The following PIK3C2B variants were observed in gnomAD, a reference collection of about 807,000 sequenced individuals.
PIK3C2B encodes phosphatidylinositol 4-phosphate 3-kinase C2 domain-containing subunit beta.
PIK3C2B carries 83 observed loss-of-function variants against 184.3 expected under a neutral mutation model. The observed-to-expected ratio is 0.45, with a 90% confidence interval of 0.38 to 0.54. The LOEUF is 0.54. Ranked by LOEUF, PIK3C2B falls within the 20% of genes least tolerant of loss-of-function variation. The pLI is 0.00. For missense variants in PIK3C2B, 1,736 were observed against 2,113.5 expected, an observed-to-expected ratio of 0.82 and a Z score of 3.50; for synonymous variants, 779 against 837.6, an observed-to-expected ratio of 0.93 and a Z score of 1.21.
chr1:204,444,028 G>A (rs147859065), intron 18 of PIK3C2B, 40 bp downstream of exon 18: 1 of 1,346,800 alleles, frequency 7.4e-7, no homozygotes, highest in Non-Finnish European at 1.1e-6. Context: ...CTACGTGAAA[G>A]ACACGTGTCT....
At chr1:204,462,648 T>C (rs1412578458) in intron 5 of PIK3C2B, among the ~76,000 whole-genome samples, 2 of 152,200 alleles carry the variant, frequency 1.3e-5, no homozygotes, top group African/African-American at 4.8e-5. Flanking sequence ...GGGGCACATT[T>C]GAAGGGTACC....
At chr1:204,440,597 C>CTT (rs34256181) in intron 21 of PIK3C2B, among the ~76,000 whole-genome samples, 3,606 of 123,474 alleles carry the variant, frequency 0.029, 189 homozygotes, top group East Asian at 0.14. Context: ...ACCATCAGGC[C>CTT]TTTTTTTTTT....
At chr1:204,453,406 C>T (rs182849261) in intron 12 of PIK3C2B, among the ~76,000 whole-genome samples, 392 of 152,338 alleles carry the variant, frequency 2.6e-3, no homozygotes, top group Non-Finnish European at 4.7e-3. Context: ...ATTAATATTA[C>T]CTTGTGCTTT....
At chr1:204,474,260 G>A (rs1400260896) in intron 1 of PIK3C2B, among the ~76,000 whole-genome samples, 1 of 151,900 alleles carries the variant, frequency 6.6e-6, no homozygotes, top group Admixed American at 6.6e-5. Flanking sequence ...CAAAGTGCTG[G>A]GATTACAGGC....
At chr1:204,460,726 C>G (rs1655266844) in intron 5 of PIK3C2B, 65 bp from the exon 6 acceptor site, 2 of 994,888 alleles carry the variant, frequency 2.0e-6, no homozygotes, top group Non-Finnish European at 3.2e-6. Context: ...AGATACATAC[C>G]TTAGCCTTGG....
At chr1:204,451,323 G>A (rs1654337199) in intron 12 of PIK3C2B, among the ~76,000 whole-genome samples, 1 of 152,230 alleles carries the variant, frequency 6.6e-6, no homozygotes, top group Non-Finnish European at 1.5e-5. Flanking sequence ...CCAGCTTCGT[G>A]TCTTAAGGAA....
chr1:204,431,882 CTGAGGGGAGGGG>C, intron 27 of PIK3C2B, 89 bp from the exon 28 acceptor site: 2 of 1,458,906 alleles, frequency 1.4e-6, no homozygotes, highest in Non-Finnish European at 1.9e-6. Flanking sequence ...TATGTATGTG[CTGAGGGGAGGGG>C]CACATTCCAG....
chr1:204,448,602 C>T (rs1263228245), intron 14 of PIK3C2B, among the ~76,000 whole-genome samples: 1 of 142,226 alleles, frequency 7.0e-6, no homozygotes, highest in Non-Finnish European at 1.5e-5. Flanking sequence ...TGTGCCATTG[C>T]ATTCCAGCCT....
At position 204,468,858 on chromosome 1, in the gene PIK3C2B, G is replaced by C; in HGVS notation, c.933+12C>G. 6.4e-7 allele frequency: 1 copy of C among 1,560,192 alleles called. No homozygotes were observed. The highest frequency in any genetic ancestry group is 8.7e-7 in the Non-Finnish European group (1 of 1,153,090). On this transcript the variant is annotated intron_variant, in intron 2 of 32. Transcript: ENST00000684373. Reference sequence around the variant, plus strand: ...AGAAAGGAAGGCAGAAGAAACACAAGAAGGTCCTCACCGGGGCTGCAGAAA... The same window carrying C: ...AGAAAGGAAGGCAGAAGAAACACAACAAGGTCCTCACCGGGGCTGCAGAAA...
chr1:204,482,141 A>T (rs1657217244), intron 1 of PIK3C2B, among the ~76,000 whole-genome samples: 1 of 142,258 alleles, frequency 7.0e-6, no homozygotes, highest in Non-Finnish European at 1.5e-5. Flanking sequence ...CTCTAATGTT[A>T]GGCCCCATAG....
chr1:204,458,471 C>T (rs1377338653), intron 8 of PIK3C2B, among the ~76,000 whole-genome samples: 1 of 151,734 alleles, frequency 6.6e-6, no homozygotes, highest in African/African-American at 2.4e-5. Flanking sequence ...AACAAGAACA[C>T]AAGCTCCCCA....
Position 204,469,354 on chromosome 1 carries a change from G to T in PIK3C2B, c.449C>A (p.Ser150Tyr). ...AGGAGGTGGGGATAGTTTCTTGCAAGAGCCCTCTATGTCCCCTGGTCCTGG... is the reference window on the plus strand; with the variant it reads ...AGGAGGTGGGGATAGTTTCTTGCAATAGCCCTCTATGTCCCCTGGTCCTGG... ...SSPGPGDIEG[S>Y]CKKLSPPPLP... The change falls in exon 2 of 33, where the codon TCT becomes TAT. Residue 150 changes from serine (S) to tyrosine (Y), a missense_variant. This residue lies in a region of PIK3C2B where 404 missense variants were observed against 418.0 expected (regional missense o/e 0.97). Coordinates refer to ENST00000684373, the MANE Select transcript of PIK3C2B (RefSeq NM_001377334.1). The T allele has an allele frequency of 6.5e-7, 1 of 1,527,408 alleles. No individual in the cohort carries two copies. Among genetic ancestry groups the T allele is most frequent in the African/African-American group, 1.4e-5 (1 of 72,092 alleles). 94.6% of individuals were successfully genotyped at this position (1,527,408 alleles called of 1,614,324 possible).
Position 204,429,901 on chromosome 1 carries a change from G to A in PIK3C2B, c.4398+20C>T, listed in dbSNP as rs201425247. The A allele has an allele frequency of 1.3e-6, 2 of 1,494,232 alleles. No homozygotes were observed. The highest frequency in any genetic ancestry group is 1.7e-5 in the Admixed American group (1 of 59,848). The allele number at this position is 1,494,232 out of a possible 1,614,324, so 92.6% of individuals were successfully genotyped here. On this transcript the variant is annotated intron_variant, in intron 29 of 32. Coordinates refer to ENST00000684373, the MANE Select transcript of PIK3C2B (RefSeq NM_001377334.1). ...TCCCCACCAGCCTGGACAGCCAGGAGGAGAGGCAAGCCCACCCACCTCGGC... is the reference window on the plus strand; with the variant it reads ...TCCCCACCAGCCTGGACAGCCAGGAAGAGAGGCAAGCCCACCCACCTCGGC...
intron 12 of PIK3C2B, among the ~76,000 whole-genome samples, chr1:204,454,389 G>A (rs1411323630): frequency 6.6e-6 from 1 of 150,570 alleles, no homozygotes; most frequent in Non-Finnish European, 1.5e-5. Context: ...GGCTGAGACA[G>A]AAGAATGGCG....
rs113278956 is a variant in PIK3C2B at position 204,444,170 on chromosome 1, G to A, written c.2773-8C>T. On this transcript the variant is annotated splice_region_variant and splice_polypyrimidine_tract_variant and intron_variant, in intron 17 of 32. Coordinates refer to ENST00000684373, the MANE Select transcript of PIK3C2B (RefSeq NM_001377334.1). ...GCATTCATACTTCAGGGCCTGTTTC[G>A]GAGAAAGGGAGAAAGAGAATATGAA... is the stretch of plus-strand genomic sequence containing the variant. The A allele has an allele frequency of 5.7e-6, 9 of 1,570,910 alleles. No individual in the cohort carries two copies. The highest frequency in any genetic ancestry group is 5.5e-5 in the South Asian group (5 of 90,230).
rs17847770 is a variant in PIK3C2B, at chr1:204,424,735, C to T, written c.*117G>A. 13 of 988,144 alleles carry T rather than the reference C, an allele frequency of 1.3e-5. No individual in the cohort carries two copies. Among genetic ancestry groups the T allele is most frequent in the East Asian group, 1.2e-4 (5 of 42,158 alleles). 61.2% of individuals were successfully genotyped at this position (988,144 alleles called of 1,614,324 possible). On this transcript the variant is annotated 3_prime_UTR_variant, in exon 33 of 33. Coordinates refer to ENST00000684373, the MANE Select transcript of PIK3C2B (RefSeq NM_001377334.1). ...CCACAGAGGCCAGAATCACCTGGAC[C>T]GAGCTGGAGGCCTGCCCAGGGCCCT...
chr1:204,443,266 C>A (rs1301837864), intron 19 of PIK3C2B, 151 bp downstream of exon 19: 1 of 650,954 alleles, frequency 1.5e-6, no homozygotes, highest in Admixed American at 2.8e-5. Context: ...TTGTGGACTG[C>A]CTGTTTACGG....
In PIK3C2B at chr1:204,449,233, G is replaced by A. The variant is rs766659532; in HGVS notation, c.2298C>T (p.Ala766=). 2 of 1,613,208 alleles carry A rather than the reference G, an allele frequency of 1.2e-6. No individual in the cohort carries two copies. The highest frequency in any genetic ancestry group is 2.2e-5 in the South Asian group (2 of 90,642). The change falls in exon 14 of 33, where the codon GCC becomes GCT. Residue 766 remains alanine, a synonymous_variant. Coordinates refer to ENST00000684373, the MANE Select transcript of PIK3C2B (RefSeq NM_001377334.1). ...LWPATQENPS[A]RWSAPNFHQP... Reference sequence around the variant, plus strand: ...GGTGGAAATTAGGTGCACTCCAACGGGCGCTGGGATTTTCCTGTGTTGCTG... The same window carrying A: ...GGTGGAAATTAGGTGCACTCCAACGAGCGCTGGGATTTTCCTGTGTTGCTG...
At chr1:204,465,079 T>C (rs1186224061) in intron 3 of PIK3C2B, 140 bp downstream of exon 3, 1 of 659,174 alleles carries the variant, frequency 1.5e-6, no homozygotes, top group African/African-American at 1.8e-5. Context: ...ACACTTGTTG[T>C]AGGAAGCATT....
Sources: allele counts gnomAD v4.1 joint callset (sites outside exome capture counted in the v4.1 genomes callset), GRCh38; gene constraint gnomAD v4.1.1; regional missense constraint gnomAD v4.1.1; transcripts MANE v1.5; gene names NCBI Gene and HGNC (gene_info 2026-07-23, HGNC 2026-07-21).